Variants in GARIN1A observed in about 807,000 individuals in gnomAD.
The protein encoded by GARIN1A is Golgi-associated RAB2 interactor protein 1A.
the GARIN1A span, among the ~76,000 whole-genome samples, chr7:128,672,834 C>T: frequency 3.3e-5 from 5 of 152,142 alleles, no homozygotes; most frequent in African/African-American, 1.2e-4. Context: ...GGTTCACAGG[C>T]CCTTTCTGGG....
At chr7:128,685,387 G>C in the GARIN1A span, 1 of 152,232 alleles carries the variant, frequency 6.6e-6, no homozygotes, top group Non-Finnish European at 1.5e-5. Context: ...ATGTTGACCT[G>C]ATGTCTGAGC....
chr7:128,700,337 G>A, the GARIN1A span, among the ~76,000 whole-genome samples: 7 of 150,022 alleles, frequency 4.7e-5, no homozygotes, highest in African/African-American at 1.7e-4. Context: ...CTGCAGTGCA[G>A]TGGCACGATC....
chr7:128,685,640 T>G, the GARIN1A span: 4 of 152,230 alleles, frequency 2.6e-5, no homozygotes, highest in Non-Finnish European at 5.9e-5. Context: ...TATGTTACAA[T>G]CAAATAAGCT....
the GARIN1A span, among the ~76,000 whole-genome samples, chr7:128,695,730 G>T: frequency 1.3e-5 from 2 of 151,762 alleles, no homozygotes; most frequent in African/African-American, 4.8e-5. This position sits in a 1 kb window ranked among gnomAD's most constrained non-coding sequence, Gnocchi z 4.5. Flanking sequence ...CTTTTGTAGA[G>T]ACAGGGTTTC....
At chr7:128,672,568 A>C in the GARIN1A span, 8 of 1,435,952 alleles carry the variant, frequency 5.6e-6, no homozygotes, top group Non-Finnish European at 7.5e-6. Context: ...CGTGGAGCTC[A>C]GGGCCAGCTG....
At chr7:128,693,596 A>G in the GARIN1A span, 1 of 153,332 alleles carries the variant, frequency 6.5e-6, no homozygotes, top group African/African-American at 2.4e-5. Flanking sequence ...GGAGCCTTGC[A>G]TGCCAGAGCT....
the GARIN1A span, among the ~76,000 whole-genome samples, chr7:128,698,129 A>G: frequency 6.6e-6 from 1 of 152,164 alleles, no homozygotes; most frequent in East Asian, 1.9e-4. Context: ...TATTAATTTT[A>G]TTTCAGGCTG....
At chr7:128,675,664 C>T in the GARIN1A span, 3 of 1,613,016 alleles carry the variant, frequency 1.9e-6, no homozygotes, top group East Asian at 6.7e-5. Flanking sequence ...GTACCTGAGG[C>T]TGATTTCCAG....
the GARIN1A span, among the ~76,000 whole-genome samples, chr7:128,707,637 G>A: frequency 6.6e-6 from 1 of 152,030 alleles, no homozygotes; most frequent in Admixed American, 6.6e-5. Context: ...TTTATTTTTA[G>A]AGATGGGGTC....
chr7:128,705,662 T>C, the GARIN1A span, among the ~76,000 whole-genome samples: 2 of 133,500 alleles, frequency 1.5e-5, no homozygotes, highest in African/African-American at 5.7e-5. Context: ...GGTGTTTTTT[T>C]TTTTTTTTTT....
the GARIN1A span, among the ~76,000 whole-genome samples, chr7:128,697,202 A>G: frequency 2.0e-5 from 3 of 152,172 alleles, no homozygotes; most frequent in African/African-American, 7.2e-5. Flanking sequence ...CCAGCAGGAA[A>G]AGACAGGCGG....
At chr7:128,696,055 C>G in the GARIN1A span, among the ~76,000 whole-genome samples, 1 of 132,540 alleles carries the variant, frequency 7.5e-6, no homozygotes, top group Non-Finnish European at 1.5e-5. Flanking sequence ...CTCTATCACC[C>G]AGGCTGGAGT....
At chr7:128,681,895 C>A in the GARIN1A span, among the ~76,000 whole-genome samples, 1 of 137,356 alleles carries the variant, frequency 7.3e-6, no homozygotes, top group Admixed American at 7.3e-5. Flanking sequence ...CCCCCCACAA[C>A]CCCCCTGGCC....
chr7:128,707,220 A>ATG, the GARIN1A span, among the ~76,000 whole-genome samples: 51 of 147,292 alleles, frequency 3.5e-4, no homozygotes, highest in African/African-American at 1.2e-3. Context: ...GTGTGTATGT[A>ATG]TGTGTGTGTG....
chr7:128,699,173 T>TAATAAAAAATAAAAAATTTTTAATAAA, the GARIN1A span, among the ~76,000 whole-genome samples: 3 of 151,516 alleles, frequency 2.0e-5, no homozygotes, highest in Non-Finnish European at 4.4e-5. Flanking sequence ...TAAAAAATTT[T>TAATAAAAAATAAAAAATTTTTAATAAA]AAATATGTAT....
the GARIN1A span, among the ~76,000 whole-genome samples, chr7:128,689,558 AGCCGCCCCGTCTGAGAAGTGAGGAGC>A: frequency 7.1e-6 from 1 of 140,832 alleles, no homozygotes; most frequent in African/African-American, 2.7e-5. Context: ...TCCGCCCGGC[AGCCGCCCCGTCTGAGAAGTGAGGAGC>A]CCCTCCGCCC....
At chr7:128,701,368 A>G in the GARIN1A span, among the ~76,000 whole-genome samples, 4 of 19,850 alleles carry the variant, frequency 2.0e-4, no homozygotes, top group African/African-American at 4.7e-4. Flanking sequence ...AGGGGAGGGG[A>G]GGGGAAGGGG....
At chr7:128,706,786 C>A in the GARIN1A span, among the ~76,000 whole-genome samples, 9 of 152,196 alleles carry the variant, frequency 5.9e-5, no homozygotes, top group Admixed American at 2.0e-4. Flanking sequence ...GGGCATCCTG[C>A]GATCCCAGAG....
the GARIN1A span, chr7:128,672,325 C>T: frequency 7.4e-7 from 1 of 1,343,856 alleles, no homozygotes; most frequent in Non-Finnish European, 1.0e-6. Flanking sequence ...CAGATCACAT[C>T]AACATCCTGG....
Sources: allele counts gnomAD v4.1 joint callset (sites outside exome capture counted in the v4.1 genomes callset), GRCh38; gene constraint gnomAD v4.1.1; non-coding constraint Gnocchi (gnomAD v3.1); transcripts MANE v1.5; gene names NCBI Gene and HGNC (gene_info 2026-07-23, HGNC 2026-07-21).